The following DMD variants were observed in gnomAD, a reference collection of about 807,000 sequenced individuals.
DMD encodes dystrophin, also known as mutant dystrophin.
In DMD, 63 loss-of-function variants were observed where a neutral mutation model predicts 330.1. The observed-to-expected ratio is 0.19, with a 90% confidence interval of 0.16 to 0.24. DMD has a LOEUF of 0.24. Among genes scored for constraint, DMD ranks in the 10% least tolerant of loss-of-function variants. The pLI, the probability that DMD is intolerant of heterozygous loss-of-function variation, is 1.00. For missense variants in DMD, 3,344 were observed against 2,684.1 expected (o/e 1.25, Z -5.43); for synonymous variants, 1,223 against 959.8 (o/e 1.27, Z -5.07).
chrX:31,508,595 T>C, intron 55 of DMD: 1 of 128,236 alleles, frequency 7.8e-6, no homozygotes, highest in Non-Finnish European at 1.6e-5. Flanking sequence ...AGCAGAATAG[T>C]CAAAGCCAAG....
chrX:31,626,116 C>G (rs2078827470), intron 55 of DMD, among the ~76,000 whole-genome samples: 1 of 110,558 alleles, frequency 9.0e-6, no homozygotes, highest in Non-Finnish European at 1.9e-5. Flanking sequence ...TCCCAAGTAG[C>G]TAGGATTACA....
At chrX:32,255,592 A>G (rs988169140) in intron 43 of DMD, among the ~76,000 whole-genome samples, 7 of 112,227 alleles carry the variant, frequency 6.2e-5, no homozygotes, top group African/African-American at 2.3e-4. Flanking sequence ...CACATGAAAC[A>G]TATGTCTTCA....
intron 9 of DMD, among the ~76,000 whole-genome samples, chrX:32,677,682 T>G (rs1602870458): frequency 9.0e-6 from 1 of 111,641 alleles, no homozygotes; most frequent in African/African-American, 3.2e-5. Context: ...CATGTTTACT[T>G]TGTGATCAGA....
intron 52 of DMD, among the ~76,000 whole-genome samples, chrX:31,681,422 T>C (rs1321334890): frequency 2.7e-5 from 3 of 112,056 alleles, no homozygotes; most frequent in Admixed American, 9.5e-5. Context: ...AAGCAGAGAA[T>C]TGGAATGAGA....
chrX:32,054,368 G>A (rs1254674346), intron 44 of DMD, among the ~76,000 whole-genome samples: 9 of 53,821 alleles, frequency 1.7e-4, no homozygotes, highest in African/African-American at 5.6e-4. Context: ...AACAGGCCCC[G>A]GTGTGTGATG....
intron 17 of DMD, among the ~76,000 whole-genome samples, chrX:32,530,211 T>A (rs1454252327): frequency 8.9e-6 from 1 of 112,401 alleles, no homozygotes; most frequent in Non-Finnish European, 1.9e-5. Flanking sequence ...TGTTTAAAAA[T>A]TCTGCTTTTT....
At chrX:31,658,675 AC>A (rs1324583828) in intron 53 of DMD, among the ~76,000 whole-genome samples, 1 of 112,358 alleles carries the variant, frequency 8.9e-6, no homozygotes, top group East Asian at 2.8e-4. Flanking sequence ...CTTTTAGAAT[AC>A]CTTACTTTAA....
chrX:31,923,374 G>T (rs1156693083), intron 47 of DMD, among the ~76,000 whole-genome samples: 10 of 111,324 alleles, frequency 9.0e-5, no homozygotes, highest in Non-Finnish European at 1.9e-4. Flanking sequence ...GGGAAGGGTG[G>T]GAAGTGATTA....
At chrX:32,576,723 TGAGG>T (rs202042367) in intron 13 of DMD, among the ~76,000 whole-genome samples, 5,211 of 62,336 alleles carry the variant, frequency 0.084, 230 homozygotes, top group Middle Eastern at 0.18. Flanking sequence ...AAACCATGGA[TGAGG>T]GAGGGAGGGA....
At chrX:31,364,796 A>G (rs1212343426) in intron 60 of DMD, among the ~76,000 whole-genome samples, 5 of 111,412 alleles carry the variant, frequency 4.5e-5, no homozygotes, top group African/African-American at 1.6e-4. Context: ...TTATGAAGAA[A>G]TAATAGACAT....
At chrX:32,387,365 C>T (rs1041184263) in intron 32 of DMD, among the ~76,000 whole-genome samples, 2 of 110,519 alleles carry the variant, frequency 1.8e-5, no homozygotes, top group Non-Finnish European at 3.8e-5. Flanking sequence ...TGTGTATATA[C>T]GTATACACGT....
chrX:31,792,423 C>T (rs5927042), intron 50 of DMD, among the ~76,000 whole-genome samples: 13,697 of 111,335 alleles, frequency 0.12, 656 homozygotes, highest in East Asian at 0.25. Context: ...ATTAGCATGA[C>T]GGCTGTATTT....
intron 55 of DMD, among the ~76,000 whole-genome samples, chrX:31,600,746 A>C (rs2077321152): frequency 9.2e-6 from 1 of 108,389 alleles, no homozygotes; most frequent in South Asian, 4.1e-4. Flanking sequence ...TTCGAGGCAA[A>C]TTCTGTCCTT....
At chrX:32,690,972 GAATT>G (rs991093410) in intron 9 of DMD, among the ~76,000 whole-genome samples, 1 of 110,602 alleles carries the variant, frequency 9.0e-6, no homozygotes, top group Non-Finnish European at 1.9e-5. Flanking sequence ...AAAAAAAATA[GAATT>G]AAGACTACAT....
intron 18 of DMD, among the ~76,000 whole-genome samples, chrX:32,510,222 T>C (rs1429770738): frequency 8.9e-6 from 1 of 111,759 alleles, no homozygotes; most frequent in African/African-American, 3.3e-5. Context: ...CATCGTGATT[T>C]TTCTGCTGCA....
At chrX:31,948,033 C>T (rs906889567) in intron 45 of DMD, among the ~76,000 whole-genome samples, 5 of 111,191 alleles carry the variant, frequency 4.5e-5, no homozygotes, top group African/African-American at 9.8e-5. Context: ...GTTCCCCCTT[C>T]GCCCAGCCCC....
intron 67 of DMD, among the ~76,000 whole-genome samples, chrX:31,195,730 GAC>G (rs1423895591): frequency 2.1e-4 from 8 of 38,515 alleles, no homozygotes; most frequent in Non-Finnish European, 4.2e-4. Context: ...AGGAGAAGGG[GAC>G]AGAGAGAGGG....
rs1432361571 is a variant in DMD at position 32,411,746 on chromosome X, A to G, written c.4233+6T>C. On this transcript the variant is annotated splice_donor_region_variant and intron_variant, in intron 30 of 78. Transcript: ENST00000357033. ...AGAATGGAAGCTGATTCCCAGATGT[A>G]CTTGCCTGGGCTTCCTGAGGCATTT... 8.3e-7 allele frequency: 1 copy of G among 1,210,623 alleles called. No individual in the cohort carries two copies. Among genetic ancestry groups the G allele is most frequent in the Non-Finnish European group, 1.1e-6 (1 of 894,682 alleles).
intron 34 of DMD, among the ~76,000 whole-genome samples, chrX:32,372,878 G>A (rs2097885074): frequency 9.1e-6 from 1 of 110,278 alleles, no homozygotes; most frequent in South Asian, 3.9e-4. Flanking sequence ...AAACAATTTG[G>A]AATACTTTTA....
Sources: gnomAD v4.1 joint callset for allele counts (sites outside exome capture counted in the v4.1 genomes callset) on GRCh38, gnomAD v4.1.1 for gene constraint, MANE v1.5 for transcripts, NCBI Gene and HGNC (gene_info 2026-07-23, HGNC 2026-07-21) for gene names.